The following ABCA5 variants were observed in gnomAD, a reference collection of about 807,000 sequenced individuals.
The protein encoded by ABCA5 is cholesterol transporter ABCA5.
ABCA5 carries 163 observed loss-of-function variants against 206.0 expected under a neutral mutation model. The ratio of observed to expected loss-of-function variants is 0.79; its 90% CI spans 0.70 to 0.90. The LOEUF is 0.90. ABCA5 is among the 40% of genes least tolerant of loss of function. ABCA5 has a pLI of 0.00. For missense variants in ABCA5, 1,859 were observed against 1,912.9 expected, an observed-to-expected ratio of 0.97 and a Z score of 0.53; for synonymous variants, 609 against 613.8, an observed-to-expected ratio of 0.99 and a Z score of 0.11.
chr17:69,309,351 A>G lies in ABCA5; in HGVS notation c.380T>C (p.Val127Ala). ...CATGGAGTCTTTGAAAACCACACCTACAAAGTTGCTCGGCTTAGAGAGACT... is the reference window on the plus strand; with the variant it reads ...CATGGAGTCTTTGAAAACCACACCTGCAAAGTTGCTCGGCTTAGAGAGACT... ...TSSLSKPSNFVGVVFKDSMSY... is the reference protein window; with the variant it reads ...TSSLSKPSNFAGVVFKDSMSY... Residue 127 changes from valine (V) to alanine (A), a missense_variant, in exon 4 of 39, where the codon GTA becomes GCA. Physicochemically the swap from Val to Ala is moderately conservative, Grantham distance 64. Transcript: ENST00000392676. The G allele has an allele frequency of 6.2e-7, 1 of 1,607,086 alleles. No homozygotes were observed. Among genetic ancestry groups the G allele is most frequent in the Non-Finnish European group, 8.5e-7 (1 of 1,177,872 alleles).
chr17:69,255,659 AT>A (rs766896922), intron 30 of ABCA5, 25 bp from the exon 31 acceptor site: 1 of 1,574,092 alleles, frequency 6.4e-7, no homozygotes, highest in South Asian at 1.2e-5. Context: ...AGAAAAAAAA[AT>A]CATAATCAAA....
intron 35 of ABCA5, 78 bp from the exon 36 acceptor site, chr17:69,250,699 T>A: frequency 9.2e-7 from 1 of 1,085,618 alleles, no homozygotes; most frequent in Non-Finnish European, 1.3e-6. Context: ...TATAACTACA[T>A]TTTAAAAAAA....
At chr17:69,289,826 G>T in intron 13 of ABCA5, 36 bp downstream of exon 13, 1 of 1,486,854 alleles carries the variant, frequency 6.7e-7, no homozygotes, top group Non-Finnish European at 9.1e-7. Flanking sequence ...TTGATTACAG[G>T]AAATAAAAGT....
intron 26 of ABCA5, among the ~76,000 whole-genome samples, 175 bp from the exon 27 acceptor site, chr17:69,260,587 A>G (rs913375680): frequency 6.6e-6 from 1 of 151,900 alleles, no homozygotes; most frequent in Non-Finnish European, 1.5e-5. Context: ...ATTTCTGAGG[A>G]TCAGTATAAA....
chr17:69,302,490 A>C (rs975285726), intron 8 of ABCA5, among the ~76,000 whole-genome samples: 3 of 152,244 alleles, frequency 2.0e-5, no homozygotes, highest in Non-Finnish European at 1.5e-5. Context: ...AGATACACTG[A>C]AGTAAAAAGT....
chr17:69,310,193 C>A (rs191226472), intron 3 of ABCA5, among the ~76,000 whole-genome samples: 41 of 152,164 alleles, frequency 2.7e-4, no homozygotes, highest in African/African-American at 9.6e-4. Context: ...TGTTACCCAG[C>A]CTGCAGTGCA....
At chr17:69,277,978 A>G (rs755593232) in intron 18 of ABCA5, 136 bp from the exon 19 acceptor site, 30 of 618,788 alleles carry the variant, frequency 4.8e-5, no homozygotes, top group Non-Finnish European at 7.8e-5. Context: ...TTCTGGCAGT[A>G]TCTATTAAAG....
At chr17:69,325,235 C>T (rs557572444) in intron 1 of ABCA5, among the ~76,000 whole-genome samples, 1 of 150,836 alleles carries the variant, frequency 6.6e-6, no homozygotes, top group African/African-American at 2.4e-5. Context: ...CTTGAGCCTG[C>T]GAAGTCAAGG....
chr17:69,295,276 G>A (rs2075573450), intron 10 of ABCA5, among the ~76,000 whole-genome samples: 1 of 152,106 alleles, frequency 6.6e-6, no homozygotes. Context: ...TTCTTATAAT[G>A]TCATGACCTT....
chr17:69,304,917 T>A, intron 6 of ABCA5, 107 bp from the exon 7 acceptor site: 1 of 1,030,808 alleles, frequency 9.7e-7, no homozygotes, highest in Non-Finnish European at 1.3e-6. Flanking sequence ...TTCTTAAAAT[T>A]AAGTCACTGT....
chr17:69,269,926 G>A (rs534829308), intron 22 of ABCA5, among the ~76,000 whole-genome samples: 1 of 152,228 alleles, frequency 6.6e-6, no homozygotes, highest in South Asian at 2.1e-4. Context: ...GGTATGAGAG[G>A]AAATGAGTGA....
intron 23 of ABCA5, among the ~76,000 whole-genome samples, chr17:69,267,318 A>T (rs77991318): frequency 1.3e-5 from 2 of 152,206 alleles, no homozygotes; most frequent in African/African-American, 4.8e-5. Flanking sequence ...GTAAGATATA[A>T]TCTCAGCAGA....
At chr17:69,250,292 C>T (rs1204049836) in intron 36 of ABCA5, among the ~76,000 whole-genome samples, 180 bp downstream of exon 36, 1 of 151,492 alleles carries the variant, frequency 6.6e-6, no homozygotes, top group East Asian at 1.9e-4. Context: ...TATAAATTAT[C>T]TATCTACAGA....
In ABCA5 at chr17:69,285,917, C is replaced by T. The variant is rs772220928; in HGVS notation, c.2253G>A (p.Lys751=). The T allele has an allele frequency of 2.4e-5, 39 of 1,611,720 alleles. No individual in the cohort carries two copies. The highest frequency in any genetic ancestry group is 5.1e-6 in the Non-Finnish European group (6 of 1,179,016). ...TAATACCTGAAAATTTGTCCATGTC[C>T]TTGAAAGGCAAGCTATACACAAGTT... is the stretch of plus-strand genomic sequence containing the variant. ...DQQLVYSLPF[K]DMDKFSGLFS... The change falls in exon 17 of 39, where the codon AAG becomes AAA. Residue 751 remains lysine, a synonymous_variant. Coordinates refer to ENST00000392676, the MANE Select transcript of ABCA5 (RefSeq NM_172232.4).
intron 10 of ABCA5, among the ~76,000 whole-genome samples, chr17:69,294,946 T>C (rs563298486): frequency 9.2e-5 from 14 of 152,098 alleles, no homozygotes; most frequent in Non-Finnish European, 1.8e-4. Flanking sequence ...AAAATACACA[T>C]ATAACATTTT....
intron 9 of ABCA5, 129 bp downstream of exon 9, chr17:69,301,009 TA>T: frequency 1.4e-6 from 1 of 739,632 alleles, no homozygotes; most frequent in Non-Finnish European, 2.0e-6. Flanking sequence ...AAAGTCAAAT[TA>T]AAAGCTTTAA....
chr17:69,266,967 C>T (rs555101218), intron 23 of ABCA5, among the ~76,000 whole-genome samples: 6 of 151,962 alleles, frequency 3.9e-5, no homozygotes, highest in Middle Eastern at 3.4e-3. Flanking sequence ...CTCCGCCTCT[C>T]GGGTTCAAGT....
rs369930493 is a variant in ABCA5 at position 69,289,149 on chromosome 17, C to A, written c.1902+28G>T. ...TTAATTCGACATAATTTAAAATGAG[C>A]TCATCTGTAAAAGTAATATTTATTT... is the stretch of plus-strand genomic sequence containing the variant. On this transcript the variant is annotated intron_variant, in intron 14 of 38. Transcript: ENST00000392676. 4.4e-6 allele frequency: 7 copies of A among 1,585,164 alleles called. 1 individual carries two copies. In the South Asian group the frequency reaches 7.0e-5, roughly 16 times the overall value.
In ABCA5 at chr17:69,289,944, T is replaced by C; in HGVS notation, c.1700A>G (p.His567Arg). Residue 567 changes from histidine (H) to arginine (R), a missense_variant, in exon 13 of 39, where the codon CAC (histidine) becomes CGC (arginine). Transcript: ENST00000392676. ...TTCTTCTACTGTCAAAACATCAAAG[T>C]GTATATCTAACTGTGGACAAATGCC... Reference protein sequence around the residue: ...MIGICPQLDIHFDVLTVEENL... With the variant: ...MIGICPQLDIRFDVLTVEENL... The C allele has an allele frequency of 6.2e-7, 1 of 1,612,454 alleles. No homozygotes were observed. Among genetic ancestry groups the C allele is most frequent in the Non-Finnish European group, 8.5e-7 (1 of 1,179,336 alleles).
Sources: allele counts gnomAD v4.1 joint callset (sites outside exome capture counted in the v4.1 genomes callset), GRCh38; gene constraint gnomAD v4.1.1; transcripts MANE v1.5; gene names NCBI Gene and HGNC (gene_info 2026-07-23, HGNC 2026-07-21).